Variants in SYCE1 observed in about 807,000 individuals in gnomAD.
The protein encoded by SYCE1 is cancer/testis antigen 76.
A neutral mutation model predicts 55.1 loss-of-function variants in SYCE1; 37 were observed. The observed-to-expected ratio is 0.67, with a 90% CI of 0.52 to 0.88. The LOEUF (loss-of-function observed/expected upper bound fraction) is 0.88, where lower values mean the gene tolerates loss of function less well. SYCE1 is among the 40% of genes least tolerant of loss of function. The pLI, the probability that SYCE1 is intolerant of heterozygous loss-of-function variation, is 0.00. For missense variants in SYCE1, 399 were observed against 416.4 expected, an observed-to-expected ratio of 0.96 and a Z score of 0.36; for synonymous variants, 163 against 159.4, an observed-to-expected ratio of 1.02 and a Z score of -0.17.
intron 8 of SYCE1, 158 bp downstream of exon 8, chr10:133,556,601 G>A (rs930996118): frequency 1.4e-6 from 1 of 730,934 alleles, no homozygotes; most frequent in African/African-American, 1.7e-5. Context: ...AGGGTCACAA[G>A]GAGGTGACAA....
At chr10:133,558,117 T>C in intron 5 of SYCE1, 50 bp downstream of exon 5, 1 of 1,612,382 alleles carries the variant, frequency 6.2e-7, no homozygotes, top group Non-Finnish European at 8.5e-7. Flanking sequence ...AGAGTGGGCT[T>C]CTGTGGGTTG....
At chr10:133,566,727 GGTT>G (rs1851947099), upstream of SYCE1, among the ~76,000 whole-genome samples, 1 of 151,470 alleles carries the variant, frequency 6.6e-6, no homozygotes, top group Non-Finnish European at 1.5e-5. Flanking sequence ...TAGGGGTTAG[GGTT>G]ACGTGTTGGG....
chr10:133,558,308 C>G (rs1285908772), intron 4 of SYCE1, 94 bp from the exon 5 acceptor site: 3 of 1,434,824 alleles, frequency 2.1e-6, no homozygotes, highest in African/African-American at 1.4e-5. Context: ...CTGGGCACAG[C>G]CTTGGCCCCA....
chr10:133,554,407 G>T, downstream of SYCE1: 1 of 1,298,026 alleles, frequency 7.7e-7, no homozygotes. Context: ...TCCCACCATT[G>T]GTCTTGATTG....
Position 133,565,541 on chromosome 10 carries a change from T to C in SYCE1, c.-12A>G. 6.5e-7 allele frequency: 1 copy of C among 1,549,028 alleles called. No individual in the cohort carries two copies. Among genetic ancestry groups the C allele is most frequent in the Non-Finnish European group, 8.7e-7 (1 of 1,146,624 alleles). Reference sequence around the variant, plus strand: ...GACCTCCCCGCCATTTCCTCTCAGCTCGCCAGCGAGGGTGCCTCGGGAGGG... The same window carrying C: ...GACCTCCCCGCCATTTCCTCTCAGCCCGCCAGCGAGGGTGCCTCGGGAGGG... On this transcript the variant is annotated 5_prime_UTR_variant, in exon 1 of 13. Transcript: ENST00000343131.
rs775280144 is a variant in SYCE1 at position 133,558,917 on chromosome 10, G to A, written c.231C>T (p.Ala77=). 7.4e-6 allele frequency: 12 copies of A among 1,612,514 alleles called. No individual in the cohort carries two copies. The highest frequency in any genetic ancestry group is 5.5e-5 in the South Asian group (5 of 90,750). ...KKKANKDLGE[A]RTICEALQKE... ...TCTGCAGGGCCTCACAGATGGTCCG[G>A]GCCTCTCCTAGGTCTTTATTGGCTT... The change falls in exon 4 of 13, where the codon GCC becomes GCT. Residue 77 remains alanine (A), a synonymous_variant. Coordinates refer to ENST00000343131, the MANE Select transcript of SYCE1 (RefSeq NM_001143764.3).
At chr10:133,565,368 G>A (rs1851902499) in intron 1 of SYCE1, 89 bp downstream of exon 1, 8 of 1,229,152 alleles carry the variant, frequency 6.5e-6, no homozygotes, top group Admixed American at 3.1e-5. Context: ...AGGACTGACA[G>A]GAAGAAGCAG....
chr10:133,565,992 G>T (rs576711142), upstream of SYCE1, among the ~76,000 whole-genome samples: 6 of 152,332 alleles, frequency 3.9e-5, no homozygotes, highest in South Asian at 1.2e-3. Context: ...GGGAGTGCAC[G>T]GGCCCCAGCG....
In SYCE1 at chr10:133,565,545, C is replaced by T. The variant is rs1851910778; in HGVS notation, c.-16G>A. Reference sequence around the variant, plus strand: ...TCCCCGCCATTTCCTCTCAGCTCGCCAGCGAGGGTGCCTCGGGAGGGAGCC... The same window carrying T: ...TCCCCGCCATTTCCTCTCAGCTCGCTAGCGAGGGTGCCTCGGGAGGGAGCC... On this transcript the variant is annotated 5_prime_UTR_variant, in exon 1 of 13. Coordinates refer to ENST00000343131, the MANE Select transcript of SYCE1 (RefSeq NM_001143764.3). 3 of 1,548,888 alleles carry T rather than the reference C, an allele frequency of 1.9e-6. No homozygotes were observed. The highest frequency in any genetic ancestry group is 2.6e-6 in the Non-Finnish European group (3 of 1,146,606).
In SYCE1 at chr10:133,558,940, CTT is replaced by C; in HGVS notation, c.206_207del (p.Lys69SerfsTer3). On this transcript the variant is annotated frameshift_variant, in exon 4 of 13. Coordinates refer to ENST00000343131, the MANE Select transcript of SYCE1 (RefSeq NM_001143764.3). LOFTEE classifies it high-confidence loss of function. ...CGGGCCTCTCCTAGGTCTTTATTGGCTTTCTTTTTTGCTTCACCAAAGAGCAG... is the reference window on the plus strand; with the variant it reads ...CGGGCCTCTCCTAGGTCTTTATTGGCTCTTTTTTGCTTCACCAAAGAGCAG... ...RINEVQQAKK[K>X]ANKDLGEART... 3.7e-6 allele frequency: 6 copies of C among 1,611,152 alleles called. No individual in the cohort carries two copies. The highest frequency in any genetic ancestry group is 5.1e-6 in the Non-Finnish European group (6 of 1,179,404).
At chr10:133,557,043 C>G (rs745412541) in intron 7 of SYCE1, 24 bp downstream of exon 7, 3 of 1,610,302 alleles carry the variant, frequency 1.9e-6, no homozygotes, top group Non-Finnish European at 2.5e-6. Context: ...ATCCAAACCC[C>G]CTGCCTCAGA....
At chr10:133,558,691 A>C in intron 4 of SYCE1, 186 bp downstream of exon 4, 2 of 606,392 alleles carry the variant, frequency 3.3e-6, no homozygotes, top group Non-Finnish European at 2.9e-6. Flanking sequence ...TGAGGTGGGA[A>C]TGAGGTTGGA....
Position 133,555,988 on chromosome 10 carries a change from G to A in SYCE1, c.588C>T (p.Leu196=), listed in dbSNP as rs1176715740. 6.2e-7 allele frequency: 1 copy of A among 1,614,134 alleles called. No homozygotes were observed. The highest frequency in any genetic ancestry group is 8.5e-7 in the Non-Finnish European group (1 of 1,180,016). Residue 196 remains leucine, a synonymous_variant, in exon 9 of 13, where the codon CTC becomes CTT. Coordinates refer to ENST00000343131, the MANE Select transcript of SYCE1 (RefSeq NM_001143764.3). ...CALDSSKEQL[L]KEEKLVKATL... is the part of the protein sequence containing the mutation. ...CACCTTCCCTGGTCTCACCTTCCTT[G>A]AGCAGCTGCTCCTTGCTGCTGTCCA...
In SYCE1 at chr10:133,555,990, GC is replaced by G. The variant is rs1233617180; in HGVS notation, c.585del (p.Leu196SerfsTer14). On this transcript the variant is annotated frameshift_variant, in exon 9 of 13. Transcript: ENST00000343131. LOFTEE classifies it high-confidence loss of function. ...ICALDSSKEQ[L>X]LKEEKLVKAT... is the part of the protein sequence containing the mutation. ...CCTTCCCTGGTCTCACCTTCCTTGAGCAGCTGCTCCTTGCTGCTGTCCAGGG... is the reference window on the plus strand; with the variant it reads ...CCTTCCCTGGTCTCACCTTCCTTGAGAGCTGCTCCTTGCTGCTGTCCAGGG... 1.6e-5 allele frequency: 26 copies of G among 1,614,164 alleles called. 1 individual carries two copies. The East Asian group carries it at 5.8e-4, about 36-fold the overall frequency.
In SYCE1 at chr10:133,555,138, G is replaced by T. The variant is rs529029452; in HGVS notation, c.919-9C>A. The T allele has an allele frequency of 1.3e-5, 20 of 1,544,542 alleles. No individual in the cohort carries two copies. The African/African-American group carries it at 2.7e-4, about 21-fold the overall frequency. On this transcript the variant is annotated splice_polypyrimidine_tract_variant and intron_variant, in intron 12 of 12. Coordinates refer to ENST00000343131, the MANE Select transcript of SYCE1 (RefSeq NM_001143764.3). ...AGGGGCTTGGGACTGGCCTGCAGGA[G>T]GTTAGTGTCCAGGGTGGGAATTTAC...
chr10:133,555,978 C>T lies in SYCE1; in HGVS notation c.595+3G>A, dbSNP rs759424252. The T allele has an allele frequency of 6.2e-7, 1 of 1,614,070 alleles. No individual in the cohort carries two copies. The highest frequency in any genetic ancestry group is 1.3e-5 in the African/African-American group (1 of 74,930). ...ATGGGCCATCCACCTTCCCTGGTCT[C>T]ACCTTCCTTGAGCAGCTGCTCCTTG... is the stretch of plus-strand genomic sequence containing the variant. On this transcript the variant is annotated splice_donor_region_variant and intron_variant, in intron 9 of 12. Coordinates refer to ENST00000343131, the MANE Select transcript of SYCE1 (RefSeq NM_001143764.3).
intron 2 of SYCE1, 89 bp from the exon 3 acceptor site, chr10:133,559,449 A>G: frequency 7.8e-7 from 1 of 1,288,384 alleles, no homozygotes; most frequent in Non-Finnish European, 1.1e-6. Flanking sequence ...CACGCAACAC[A>G]GATCTATTGA....
chr10:133,558,933 T>G lies in SYCE1; in HGVS notation c.215A>C (p.Lys72Thr). 1 of 1,611,476 alleles carries G rather than the reference T, an allele frequency of 6.2e-7. No individual in the cohort carries two copies. The highest frequency in any genetic ancestry group is 1.1e-5 in the South Asian group (1 of 90,466). The change falls in exon 4 of 13, where the codon AAA becomes ACA. Residue 72 changes from lysine to threonine, a missense_variant. Lys to Thr is a moderately conservative substitution (Grantham distance 78). Transcript: ENST00000343131. ...EVQQAKKKAN[K>T]DLGEARTICE... ...GATGGTCCGGGCCTCTCCTAGGTCTTTATTGGCTTTCTTTTTTGCTTCACC... is the reference window on the plus strand; with the variant it reads ...GATGGTCCGGGCCTCTCCTAGGTCTGTATTGGCTTTCTTTTTTGCTTCACC...
chr10:133,557,182 C>G (rs769867429), intron 6 of SYCE1, 26 bp from the exon 7 acceptor site: 4 of 1,606,272 alleles, frequency 2.5e-6, no homozygotes, highest in Non-Finnish European at 3.4e-6. Context: ...CAGCCCTCAG[C>G]CATGTTCTCT....
Sources: allele counts gnomAD v4.1 joint callset (sites outside exome capture counted in the v4.1 genomes callset), GRCh38; gene constraint gnomAD v4.1.1; transcripts MANE v1.5; gene names NCBI Gene and HGNC (gene_info 2026-07-23, HGNC 2026-07-21).